Variants in PC observed in about 807,000 individuals in gnomAD.
PC encodes pyruvate carboxylase.
PC carries 46 observed loss-of-function variants against 107.8 expected under a neutral mutation model. The ratio of observed to expected loss-of-function variants is 0.43; its 90% CI spans 0.34 to 0.55. The LOEUF is 0.55. PC is among the 20% of genes least tolerant of loss of function. PC has a pLI of 0.04. For missense variants in PC, 1,241 were observed against 1,643.1 expected (o/e 0.76, Z 4.23); for synonymous variants, 662 against 684.7 (o/e 0.97, Z 0.52).
At chr11:66,913,953 T>G (rs545946578) in intron 3 of PC, among the ~76,000 whole-genome samples, 2 of 152,224 alleles carry the variant, frequency 1.3e-5, no homozygotes, top group East Asian at 1.9e-4. Flanking sequence ...CTACTGACCC[T>G]GAGGACACAC....
At chr11:66,923,659 G>A (rs1948646205) in intron 3 of PC, among the ~76,000 whole-genome samples, 1 of 151,734 alleles carries the variant, frequency 6.6e-6, no homozygotes, top group Non-Finnish European at 1.5e-5. Context: ...GATTACACAT[G>A]TGCAGGTGCA....
chr11:66,875,027 T>C (rs1354365518), intron 3 of PC, among the ~76,000 whole-genome samples: 1 of 152,100 alleles, frequency 6.6e-6, no homozygotes, highest in Non-Finnish European at 1.5e-5. Flanking sequence ...GAGGGAAGTG[T>C]GAGCCCACGG....
intron 3 of PC, among the ~76,000 whole-genome samples, chr11:66,894,714 G>C (rs1947690028): frequency 1.3e-5 from 2 of 152,172 alleles, no homozygotes; most frequent in South Asian, 4.1e-4. Flanking sequence ...AAGAGGGCAG[G>C]CTGAAAGCTT....
rs1189061968 is a variant in PC at position 66,870,246 on chromosome 11, G to T, written c.903+56C>A. 5 of 1,604,644 alleles carry T rather than the reference G, an allele frequency of 3.1e-6. No individual in the cohort carries two copies. Among genetic ancestry groups the T allele is most frequent in the Non-Finnish European group, 4.2e-6 (5 of 1,177,424 alleles). Reference sequence around the variant, plus strand: ...TCCCCAACCAGCGCCCCACTGTGAGGCCTGCCGGCCTGTGAGCACAGGCTC... The same window carrying T: ...TCCCCAACCAGCGCCCCACTGTGAGTCCTGCCGGCCTGTGAGCACAGGCTC... On this transcript the variant is annotated intron_variant, in intron 9 of 22. Coordinates refer to ENST00000393960, the MANE Select transcript of PC (RefSeq NM_001040716.2). This position sits in a 1 kb window ranked among gnomAD's most constrained non-coding sequence, Gnocchi z 6.1.
chr11:66,932,723 A>G (rs1402385445), intron 3 of PC, among the ~76,000 whole-genome samples: 1 of 152,226 alleles, frequency 6.6e-6, no homozygotes, highest in Non-Finnish European at 1.5e-5. Flanking sequence ...GAACTGCAAA[A>G]GCAATAAAGA....
intron 12 of PC, among the ~76,000 whole-genome samples, chr11:66,856,484 C>T (rs1280262195): frequency 6.6e-6 from 1 of 152,068 alleles, no homozygotes; most frequent in African/African-American, 2.4e-5. Flanking sequence ...GCAGCCCTGC[C>T]AGGGGCGCCG....
chr11:66,947,063 C>A (rs1030826452), intron 3 of PC, among the ~76,000 whole-genome samples: 1 of 152,060 alleles, frequency 6.6e-6, no homozygotes, highest in Non-Finnish European at 1.5e-5. Context: ...ATACTACAAC[C>A]ACGTCAGAAA....
At chr11:66,931,393 A>G (rs1342772628) in intron 3 of PC, among the ~76,000 whole-genome samples, 1 of 150,866 alleles carries the variant, frequency 6.6e-6, no homozygotes, top group African/African-American at 2.4e-5. Context: ...AGAAAAAAAA[A>G]AAAAAAAAAA....
intron 9 of PC, 111 bp from the exon 10 acceptor site, chr11:66,869,075 T>A: frequency 1.2e-6 from 1 of 803,058 alleles, no homozygotes. Context: ...CGTAAAAGAA[T>A]GGCCTGTGGC....
chr11:66,894,058 C>T (rs1045318723), intron 3 of PC, among the ~76,000 whole-genome samples: 1 of 152,046 alleles, frequency 6.6e-6, no homozygotes, highest in African/African-American at 2.4e-5. Flanking sequence ...AAACCTCCTA[C>T]TCATTACCAC....
Position 66,866,409 on chromosome 11 carries a change from G to A in PC, c.1023-60C>T. 8.0e-7 allele frequency: 1 copy of A among 1,256,044 alleles called. No homozygotes were observed. Among genetic ancestry groups the A allele is most frequent in the South Asian group, 1.3e-5 (1 of 79,804 alleles). The allele number at this position is 1,256,044 out of a possible 1,614,324, so 77.8% of individuals were successfully genotyped here. A position where few individuals can be genotyped will look rare whatever the true frequency, so the allele number is the denominator to read the frequency against. Reference sequence around the variant, plus strand: ...GAGAAAGGGGGAAACATGAGGCGGGGGATAGACGAGGGGCACCGCAGCCAG... The same window carrying A: ...GAGAAAGGGGGAAACATGAGGCGGGAGATAGACGAGGGGCACCGCAGCCAG... On this transcript the variant is annotated intron_variant, in intron 10 of 22. Transcript: ENST00000393960. The surrounding 1 kb of genome is among the most constrained non-coding windows in gnomAD (Gnocchi z 5.4).
chr11:66,952,933 C>G (rs1302237581), intron 2 of PC, among the ~76,000 whole-genome samples: 2 of 152,180 alleles, frequency 1.3e-5, no homozygotes, highest in African/African-American at 4.8e-5. Context: ...GACTGCACCT[C>G]TTGTTACTCT....
At position 66,852,043 on chromosome 11, in the gene PC, T is replaced by A. The variant is rs1369811876; in HGVS notation, c.1826-97A>T. The A allele has an allele frequency of 5.6e-6, 7 of 1,253,078 alleles. No homozygotes were observed. In the Admixed American group the frequency reaches 7.7e-5, roughly 14 times the overall value. 77.6% of individuals were successfully genotyped at this position (1,253,078 alleles called of 1,614,324 possible). On this transcript the variant is annotated intron_variant, in intron 15 of 22. Transcript: ENST00000393960. This position sits in a 1 kb window ranked among gnomAD's most constrained non-coding sequence, Gnocchi z 4.7. ...CTGCAGCACAAGCCTCTGGCCCCAA[T>A]ACCAGGTCCTGCTCATCTTCGCCAT...
At chr11:66,877,225 A>G (rs1440046892) in intron 3 of PC, among the ~76,000 whole-genome samples, 3 of 152,164 alleles carry the variant, frequency 2.0e-5, no homozygotes, top group African/African-American at 4.8e-5. Context: ...GTCTCTACTA[A>G]AAGTACAAAA....
At chr11:66,901,546 T>C (rs997034197) in intron 3 of PC, among the ~76,000 whole-genome samples, 1 of 152,224 alleles carries the variant, frequency 6.6e-6, no homozygotes, top group African/African-American at 2.4e-5. Flanking sequence ...CTTGGCTCAC[T>C]GCAACCTCCA....
chr11:66,866,532 G>A lies in PC; in HGVS notation c.1023-183C>T, dbSNP rs1277156145. On this transcript the variant is annotated intron_variant, in intron 10 of 22. Coordinates refer to ENST00000393960, the MANE Select transcript of PC (RefSeq NM_001040716.2). The surrounding 1 kb of genome is among the most constrained non-coding windows in gnomAD (Gnocchi z 5.4). Reference sequence around the variant, plus strand: ...CAGTGGCTCCACCAGCCCCTGCCCTGCTCCCGCCGGGAGCCGACTAAACTA... The same window carrying A: ...CAGTGGCTCCACCAGCCCCTGCCCTACTCCCGCCGGGAGCCGACTAAACTA... Among the ~76,000 whole-genome samples, 1 of 152,158 alleles carries A rather than the reference G, an allele frequency of 6.6e-6. No individual in the cohort carries two copies. Among genetic ancestry groups the A allele is most frequent in the Non-Finnish European group, 1.5e-5 (1 of 68,016 alleles).
At chr11:66,925,298 G>T (rs1210526492) in intron 3 of PC, among the ~76,000 whole-genome samples, 3 of 152,154 alleles carry the variant, frequency 2.0e-5, no homozygotes, top group Non-Finnish European at 4.4e-5. Flanking sequence ...AGCTCTACGG[G>T]AGACTGGGGC....
chr11:66,858,665 C>A lies in PC; in HGVS notation c.1368+5109G>T. The A allele has an allele frequency of 6.5e-7, 1 of 1,543,752 alleles. No individual in the cohort carries two copies. Among genetic ancestry groups the A allele is most frequent in the African/African-American group, 1.4e-5 (1 of 73,204 alleles). On this transcript the variant is annotated intron_variant, in intron 12 of 22. Coordinates refer to ENST00000393960, the MANE Select transcript of PC (RefSeq NM_001040716.2). The surrounding 1 kb of genome is among the most constrained non-coding windows in gnomAD (Gnocchi z 5.9). ...CGCTGCGGTGCCGGGCCCTGGGTGA[C>A]CCCGCGCCTACCATGCACTGGGTCG...
Position 66,868,913 on chromosome 11 carries a change from T to C in PC, c.955A>G (p.Lys319Glu). 1 of 1,613,926 alleles carries C rather than the reference T, an allele frequency of 6.2e-7. No homozygotes were observed. Among genetic ancestry groups the C allele is most frequent in the Non-Finnish European group, 8.5e-7 (1 of 1,180,006 alleles). The change falls in exon 10 of 23, where the codon AAG becomes GAG. Residue 319 changes from lysine (K) to glutamate (E), a missense_variant. Transcript: ENST00000393960. ...TVEFLVDRHG[K>E]HYFIEVNSRL... is the part of the protein sequence containing the mutation. ...GAGTTGACCTCGATGAAGTAGTGCTTGCCGTGCCTGTCCACCAGGAACTCC... is the reference window on the plus strand; with the variant it reads ...GAGTTGACCTCGATGAAGTAGTGCTCGCCGTGCCTGTCCACCAGGAACTCC...
Sources: allele counts gnomAD v4.1 joint callset (sites outside exome capture counted in the v4.1 genomes callset), GRCh38; gene constraint gnomAD v4.1.1; non-coding constraint Gnocchi (gnomAD v3.1); transcripts MANE v1.5; gene names NCBI Gene and HGNC (gene_info 2026-07-23, HGNC 2026-07-21).